Variants in FAM161A observed in about 807,000 individuals in gnomAD.
FAM161A encodes protein FAM161A.
In FAM161A, 57 loss-of-function variants were observed where a neutral mutation model predicts 70.9. That is an observed-to-expected ratio of 0.80 (90% confidence interval 0.65 to 1.00). The LOEUF is 1.00. Ranked by LOEUF, FAM161A falls within the 50% of genes least tolerant of loss-of-function variation. The pLI, the probability that FAM161A is intolerant of heterozygous loss-of-function variation, is 0.00. For missense variants in FAM161A, 880 were observed against 836.0 expected, an observed-to-expected ratio of 1.05 and a Z score of -0.65; for synonymous variants, 299 against 295.7, an observed-to-expected ratio of 1.01 and a Z score of -0.12.
At chr2:61,845,967 T>G (rs1356803777) in intron 1 of FAM161A, among the ~76,000 whole-genome samples, 1 of 151,674 alleles carries the variant, frequency 6.6e-6, no homozygotes, top group Non-Finnish European at 1.5e-5. Flanking sequence ...CGTGTACCTG[T>G]AGTCCCAGCT....
At chr2:61,841,649 C>T (rs535695110) in intron 2 of FAM161A, among the ~76,000 whole-genome samples, 20 of 152,288 alleles carry the variant, frequency 1.3e-4, no homozygotes, top group African/African-American at 4.3e-4. Flanking sequence ...ATGCAAGCAT[C>T]GCTGACTGAC....
downstream of FAM161A, among the ~76,000 whole-genome samples, chr2:61,823,786 C>T (rs139545383): frequency 3.5e-4 from 53 of 152,068 alleles, 1 homozygote; most frequent in African/African-American, 1.1e-3. Flanking sequence ...TAATAGGGTA[C>T]CCAGTAATAT....
At chr2:61,822,527 G>A (rs1444808375), downstream of FAM161A, among the ~76,000 whole-genome samples, 1 of 152,184 alleles carries the variant, frequency 6.6e-6, no homozygotes, top group Non-Finnish European at 1.5e-5. Flanking sequence ...ATACACATAT[G>A]TGATAGTTGA....
At chr2:61,832,576 C>A in intron 5 of FAM161A, among the ~76,000 whole-genome samples, 1 of 152,150 alleles carries the variant, frequency 6.6e-6, no homozygotes, top group Non-Finnish European at 1.5e-5. Context: ...GTCCCTACCA[C>A]GAACTAGGTA....
At chr2:61,820,468 T>C (rs1672179152), downstream of FAM161A, 2 of 755,636 alleles carry the variant, frequency 2.6e-6, no homozygotes, top group Admixed American at 3.4e-5. Context: ...GAGGGCTGTC[T>C]CAAGAGAAGG....
At chr2:61,836,319 A>G in intron 4 of FAM161A, 1 of 515,226 alleles carries the variant, frequency 1.9e-6, no homozygotes, top group East Asian at 3.5e-5. Flanking sequence ...AATGCAGAAT[A>G]AAATCCTAGG....
intron 4 of FAM161A, 60 bp from the exon 5 acceptor site, chr2:61,836,169 T>C: frequency 1.7e-6 from 2 of 1,146,614 alleles, no homozygotes; most frequent in Non-Finnish European, 2.6e-6. Flanking sequence ...AGAACTTACA[T>C]ATGTAACATT....
intron 5 of FAM161A, chr2:61,835,764 A>C (rs535894303): frequency 2.2e-6 from 1 of 461,636 alleles, no homozygotes; most frequent in African/African-American, 2.0e-5. Context: ...TCTTGGGCTC[A>C]AGCAATCTGC....
rs763507072 is a variant in FAM161A, at chr2:61,839,454, G to A, written c.1550C>T (p.Thr517Met). ...TTGTTCTCGTCCTCTGGAAGATACC[G>A]TGGGCACGGGAGGGTTGCAGTTACA... ...VPCNCNPPVP[T>M]VSSRGREQAV... The change falls in exon 3 of 7, where the codon ACG becomes ATG. Residue 517 changes from threonine to methionine, a missense_variant. Transcript: ENST00000404929. 4.3e-6 allele frequency: 7 copies of A among 1,614,122 alleles called. No homozygotes were observed. The highest frequency in any genetic ancestry group is 2.2e-5 in the East Asian group (1 of 44,892).
At position 61,826,064 on chromosome 2, in the gene FAM161A, T is replaced by A. The variant is rs764286789; in HGVS notation, c.*391A>T. On this transcript the variant is annotated 3_prime_UTR_variant, in exon 7 of 7. Coordinates refer to ENST00000404929, the MANE Select transcript of FAM161A (RefSeq NM_001201543.2). Reference sequence around the variant, plus strand: ...TAAAAATAGTTATTGATTCACACTTTCCAAAATTTTTAAAAAGTAAACCAC... The same window carrying A: ...TAAAAATAGTTATTGATTCACACTTACCAAAATTTTTAAAAAGTAAACCAC... 8.7e-6 allele frequency: 4 copies of A among 459,646 alleles called. No homozygotes were observed. The highest frequency in any genetic ancestry group is 1.7e-5 in the Non-Finnish European group (4 of 230,878). The allele number at this position is 459,646 out of a possible 1,614,324, so 28.5% of individuals were successfully genotyped here. A position where few individuals can be genotyped will look rare whatever the true frequency, so the allele number is the denominator to read the frequency against.
At chr2:61,845,359 A>G (rs1208722685) in intron 1 of FAM161A, among the ~76,000 whole-genome samples, 1 of 152,240 alleles carries the variant, frequency 6.6e-6, no homozygotes, top group Non-Finnish European at 1.5e-5. Flanking sequence ...ACTAAAAGTT[A>G]TTTAACTCTC....
the FAM161A span, among the ~76,000 whole-genome samples, chr2:61,811,556 T>C: frequency 6.6e-6 from 1 of 152,120 alleles, no homozygotes; most frequent in Non-Finnish European, 1.5e-5. Context: ...GTATTTTTAG[T>C]AGAGACTAGT....
At chr2:61,827,061 A>T in intron 6 of FAM161A, 43 bp downstream of exon 6, 1 of 1,602,038 alleles carries the variant, frequency 6.2e-7, no homozygotes, top group Non-Finnish European at 8.5e-7. Flanking sequence ...GCAGGTAATA[A>T]TTTTTTCAAA....
At chr2:61,853,781 CT>C in intron 1 of FAM161A, 77 bp downstream of exon 1, 2 of 1,548,102 alleles carry the variant, frequency 1.3e-6, no homozygotes, top group Non-Finnish European at 1.8e-6. Context: ...CTGCCCTCAG[CT>C]GGGCGGGGAA....
chr2:61,813,829 C>G, the FAM161A span, among the ~76,000 whole-genome samples: 3 of 151,854 alleles, frequency 2.0e-5, no homozygotes, highest in Non-Finnish European at 4.4e-5. Flanking sequence ...ATGTATTGGT[C>G]GTTCACTCAA....
At chr2:61,841,472 C>A (rs1192410337) in intron 2 of FAM161A, among the ~76,000 whole-genome samples, 2 of 152,192 alleles carry the variant, frequency 1.3e-5, no homozygotes, top group Non-Finnish European at 2.9e-5. Context: ...AAAATTCTGG[C>A]CTGCATCCCT....
intron 4 of FAM161A, among the ~76,000 whole-genome samples, chr2:61,838,067 A>G (rs1249209613): frequency 3.9e-5 from 6 of 152,228 alleles, no homozygotes; most frequent in Admixed American, 3.9e-4. Context: ...AATTCCGTGA[A>G]TATTTTTATA....
At chr2:61,815,589 C>T in the FAM161A span, among the ~76,000 whole-genome samples, 2 of 119,526 alleles carry the variant, frequency 1.7e-5, no homozygotes, top group African/African-American at 6.3e-5. Context: ...CTCGTTCTGT[C>T]ACCCAGGCTG....
chr2:61,839,974 C>A lies in FAM161A; in HGVS notation c.1030G>T (p.Asp344Tyr). The change falls in exon 3 of 7, where the codon GAC becomes TAC. Residue 344 changes from aspartate (D) to tyrosine (Y), a missense_variant. Physicochemically the swap from Asp to Tyr is radical, Grantham distance 160. Transcript: ENST00000404929. ...GTTTTCTTTTTATACTTAAGAAAGT[C>A]TCTCAGCTGCTTTTCCCGGGCTGCT... Reference protein sequence around the residue: ...KRAAREKQLRDFLKYKKKTNR... With the variant: ...KRAAREKQLRYFLKYKKKTNR... The A allele has an allele frequency of 6.2e-7, 1 of 1,614,182 alleles. No homozygotes were observed. Among genetic ancestry groups the A allele is most frequent in the Non-Finnish European group, 8.5e-7 (1 of 1,180,028 alleles).
Sources: allele counts gnomAD v4.1 joint callset (sites outside exome capture counted in the v4.1 genomes callset), GRCh38; gene constraint gnomAD v4.1.1; transcripts MANE v1.5; gene names NCBI Gene and HGNC (gene_info 2026-07-23, HGNC 2026-07-21).